ANKDD1A: variants seen among roughly 807,000 people sequenced by gnomAD.
ANKDD1A encodes ankyrin repeat and death domain-containing protein 1A.
ANKDD1A carries 59 observed loss-of-function variants against 63.5 expected under a neutral mutation model. That is an observed-to-expected ratio of 0.93 (90% CI 0.75 to 1.15). ANKDD1A has a LOEUF of 1.15. Among genes scored for constraint, ANKDD1A ranks in the 50% most tolerant of loss-of-function variants. The probability of loss-of-function intolerance (pLI) is 0.00; values close to 1 mark genes in which losing one functional copy is unlikely to be tolerated. For missense variants in ANKDD1A, 632 were observed against 656.4 expected (o/e 0.96, Z 0.41); for synonymous variants, 266 against 263.9 (o/e 1.01, Z -0.08).
chr15:64,931,355 C>G (rs1207787305), intron 7 of ANKDD1A, 132 bp from the exon 8 acceptor site: 1 of 753,028 alleles, frequency 1.3e-6, no homozygotes, highest in African/African-American at 1.8e-5. Context: ...TCATTGTTCC[C>G]AGGGGCAGGG....
At chr15:64,929,620 C>G (rs1318581224) in intron 6 of ANKDD1A, among the ~76,000 whole-genome samples, 1 of 152,204 alleles carries the variant, frequency 6.6e-6, no homozygotes, top group Admixed American at 6.5e-5. Flanking sequence ...TGCAAAGCAA[C>G]TACCAGTCCT....
At chr15:64,922,674 C>G (rs535020753) in intron 4 of ANKDD1A, among the ~76,000 whole-genome samples, 1 of 152,134 alleles carries the variant, frequency 6.6e-6, no homozygotes, top group Non-Finnish European at 1.5e-5. Context: ...TGGAGTCTTG[C>G]TGTGTCACCC....
rs775042052 is a variant in ANKDD1A at position 64,931,468 on chromosome 15, CTCT to C, written c.670-14_670-12del. On this transcript the variant is annotated splice_polypyrimidine_tract_variant and intron_variant, in intron 7 of 14. Coordinates refer to ENST00000319580, the MANE Select transcript of ANKDD1A (RefSeq NM_182703.6). ...GTGGGCCTCCCCACCATCCTCATTGCTCTTCTTGTGTGTTGCAGGAAGGTCTGA... is the reference window on the plus strand; with the variant it reads ...GTGGGCCTCCCCACCATCCTCATTGCTCTTGTGTGTTGCAGGAAGGTCTGA... The C allele has an allele frequency of 4.3e-5, 70 of 1,609,986 alleles. No individual in the cohort carries two copies. Among genetic ancestry groups the C allele is most frequent in the Admixed American group, 6.7e-5 (4 of 59,748 alleles).
intron 14 of ANKDD1A, among the ~76,000 whole-genome samples, chr15:64,955,811 A>C (rs1193502466): frequency 6.6e-6 from 1 of 152,218 alleles, no homozygotes; most frequent in African/African-American, 2.4e-5. Flanking sequence ...CAGTCTCTGA[A>C]AGGCAATTTG....
At chr15:64,927,075 T>C in intron 6 of ANKDD1A, 76 bp downstream of exon 6, 1 of 1,481,528 alleles carries the variant, frequency 6.7e-7, no homozygotes, top group Non-Finnish European at 9.4e-7. Flanking sequence ...GCTCCTCACC[T>C]GTGTCCACGT....
chr15:64,949,566 A>C (rs1014612612), intron 13 of ANKDD1A, among the ~76,000 whole-genome samples: 1 of 152,220 alleles, frequency 6.6e-6, no homozygotes, highest in East Asian at 1.9e-4. Flanking sequence ...AACAGAGTGC[A>C]TAGTGGGTGT....
Position 64,933,125 on chromosome 15 carries a change from C to T in ANKDD1A, c.769-1011C>T, listed in dbSNP as rs147658681. The stretch of plus-strand genomic sequence containing the variant: ...CTCAGAATGTCATGCCACAGGGTCT[C>T]GGAGGAGGTGCCAAGCCCACGGTGA... On this transcript the variant is annotated intron_variant, in intron 8 of 14. Transcript: ENST00000319580. 2.8e-3 allele frequency among the ~76,000 whole-genome samples: 423 copies of T among 152,100 alleles called. 10 individuals carry two copies. In the East Asian group the frequency reaches 0.069, roughly 25 times the overall value.
chr15:64,951,720 C>CGTTCTTCCTTTCTTTTCTCTTT (rs1276132353), intron 14 of ANKDD1A, among the ~76,000 whole-genome samples: 2 of 136,252 alleles, frequency 1.5e-5, no homozygotes, highest in East Asian at 2.1e-4. Flanking sequence ...TCTTTTTCTT[C>CGTTCTTCCTTTCTTTTCTCTTT]CCTTTTCTTC....
chr15:64,950,855 A>G, intron 14 of ANKDD1A: 25 of 1,127,182 alleles, frequency 2.2e-5, no homozygotes, highest in Non-Finnish European at 2.6e-5. Context: ...TAGTTGTTAC[A>G]TCTTTTAACA....
intron 9 of ANKDD1A, among the ~76,000 whole-genome samples, chr15:64,942,154 G>A (rs2085189108): frequency 6.6e-6 from 1 of 152,140 alleles, no homozygotes; most frequent in African/African-American, 2.4e-5. Flanking sequence ...AGGGACCATG[G>A]CAAACATCAC....
At chr15:64,923,092 C>T (rs184877398) in intron 4 of ANKDD1A, among the ~76,000 whole-genome samples, 13 of 152,184 alleles carry the variant, frequency 8.5e-5, no homozygotes, top group Admixed American at 7.9e-4. Context: ...TTATGGTAGG[C>T]AGAATAATGG....
chr15:64,922,477 C>T, intron 4 of ANKDD1A: 1 of 153,668 alleles, frequency 6.5e-6, no homozygotes, highest in East Asian at 1.9e-4. Flanking sequence ...GGTGTCTAAC[C>T]TTTTAGGGTG....
In ANKDD1A at chr15:64,947,514, G is replaced by A. The variant is rs1190785915; in HGVS notation, c.1272G>A (p.Gln424=). Residue 424 remains glutamine, a synonymous_variant, in exon 13 of 15, where the codon CAG becomes CAA. Transcript: ENST00000319580. The part of the protein sequence containing the change: ...VLWRLASRYL[Q]PREWKKLAYS... Reference sequence around the variant, plus strand: ...GGCGGCTGGCCTCCAGGTATCTGCAGCCCCGTGAGTGGAAGAAGCTGGCAT... The same window carrying A: ...GGCGGCTGGCCTCCAGGTATCTGCAACCCCGTGAGTGGAAGAAGCTGGCAT... The A allele has an allele frequency of 6.2e-7, 1 of 1,614,118 alleles. No homozygotes were observed. Among genetic ancestry groups the A allele is most frequent in the Non-Finnish European group, 8.5e-7 (1 of 1,180,004 alleles).
At position 64,944,700 on chromosome 15, in the gene ANKDD1A, C is replaced by T; in HGVS notation, c.1114C>T (p.Leu372=). 6.2e-7 allele frequency: 1 copy of T among 1,614,130 alleles called. No individual in the cohort carries two copies. The highest frequency in any genetic ancestry group is 8.5e-7 in the Non-Finnish European group (1 of 1,180,016). Reference sequence around the variant, plus strand: ...GGCCGTCCGCAGCAACCATGTCAGCCTGGTGGACATGATCATAAAAGCTGA... The same window carrying T: ...GGCCGTCCGCAGCAACCATGTCAGCTTGGTGGACATGATCATAAAAGCTGA... ...AVAVRSNHVS[L]VDMIIKADRF... is the part of the protein sequence containing the mutation. The change falls in exon 12 of 15, where the codon CTG becomes TTG. Residue 372 remains leucine (L), a synonymous_variant. Coordinates refer to ENST00000319580, the MANE Select transcript of ANKDD1A (RefSeq NM_182703.6).
At chr15:64,952,471 TCTC>T (rs1230094414) in intron 14 of ANKDD1A, among the ~76,000 whole-genome samples, 1 of 146,474 alleles carries the variant, frequency 6.8e-6, no homozygotes, top group Non-Finnish European at 1.5e-5. Flanking sequence ...CCTTCTTCCT[TCTC>T]CTTCTTCTTC....
At chr15:64,917,585 A>T in intron 3 of ANKDD1A, 71 bp downstream of exon 3, 2 of 1,502,812 alleles carry the variant, frequency 1.3e-6, no homozygotes, top group Non-Finnish European at 1.8e-6. Context: ...TCTATGAGCC[A>T]GTTGCCGAGA....
At chr15:64,953,630 C>CTTTAGTT (rs1467278506) in intron 14 of ANKDD1A, among the ~76,000 whole-genome samples, 1 of 20,726 alleles carries the variant, frequency 4.8e-5, no homozygotes, top group African/African-American at 9.4e-5. Flanking sequence ...TCTTCTTCTT[C>CTTTAGTT]CTTCTTCTTC....
At chr15:64,956,235 T>G (rs1399833000) in intron 14 of ANKDD1A, among the ~76,000 whole-genome samples, 1 of 99,714 alleles carries the variant, frequency 1.0e-5, no homozygotes, top group Admixed American at 1.2e-4. Context: ...TGGATTCCTT[T>G]TTTTTTTCTT....
Position 64,926,931 on chromosome 15 carries a change from G to C in ANKDD1A, c.502G>C (p.Glu168Gln), listed in dbSNP as rs762640114. ...GAGGACGGCGTTTCACAGGGCAGCTGAGCACGGGCAGCTGGATGCTCTGGA... is the reference window on the plus strand; with the variant it reads ...GAGGACGGCGTTTCACAGGGCAGCTCAGCACGGGCAGCTGGATGCTCTGGA... ...LGRTAFHRAA[E>Q]HGQLDALDFL... Residue 168 changes from glutamate to glutamine, a missense_variant, in exon 6 of 15, where the codon GAG becomes CAG. By Grantham distance (29) the Glu-to-Gln change is conservative. Transcript: ENST00000319580. 1 of 1,614,220 alleles carries C rather than the reference G, an allele frequency of 6.2e-7. No individual in the cohort carries two copies. The highest frequency in any genetic ancestry group is 1.7e-5 in the Admixed American group (1 of 60,024).
Sources: gnomAD v4.1 joint callset for allele counts (sites outside exome capture counted in the v4.1 genomes callset) on GRCh38, gnomAD v4.1.1 for gene constraint, MANE v1.5 for transcripts, NCBI Gene and HGNC (gene_info 2026-07-23, HGNC 2026-07-21) for gene names.